The following GNA14 variants were observed in gnomAD, a reference collection of about 807,000 sequenced individuals.
GNA14 encodes G protein subunit alpha 14, also known as guanine nucleotide-binding protein subunit alpha-14.
GNA14 carries 50 observed loss-of-function variants against 42.0 expected under a neutral mutation model. The observed-to-expected ratio is 1.19, with a 90% confidence interval of 0.95 to 1.51. The LOEUF is 1.51. Among genes scored for constraint, GNA14 ranks in the 40% most tolerant of loss-of-function variants. The pLI is 0.00. For synonymous variants in GNA14, 173 were observed against 163.1 expected (o/e 1.06, Z -0.46); for missense variants, 473 against 446.2 (o/e 1.06, Z -0.54).
chr9:77,521,882 G>A (rs1176772716), intron 2 of GNA14, among the ~76,000 whole-genome samples: 2 of 152,040 alleles, frequency 1.3e-5, no homozygotes, highest in African/African-American at 2.4e-5. Flanking sequence ...ACCCAGGCTG[G>A]GGTGCAATGG....
At chr9:77,503,892 G>A (rs1318779246) in intron 2 of GNA14, among the ~76,000 whole-genome samples, 1 of 152,116 alleles carries the variant, frequency 6.6e-6, no homozygotes, top group African/African-American at 2.4e-5. Context: ...ATGTTGGCCA[G>A]GCTGGTTTTG....
At chr9:77,439,951 G>A (rs1835704047) in intron 2 of GNA14, among the ~76,000 whole-genome samples, 1 of 152,196 alleles carries the variant, frequency 6.6e-6, no homozygotes, top group Non-Finnish European at 1.5e-5. Context: ...AAGGCAGATG[G>A]ATAAAATGGG....
chr9:77,598,919 G>C (rs1398609773), intron 1 of GNA14, among the ~76,000 whole-genome samples: 4 of 152,124 alleles, frequency 2.6e-5, no homozygotes, highest in African/African-American at 7.2e-5. Flanking sequence ...TTTATTTGTT[G>C]AGCACCTATT....
At chr9:77,450,835 G>A (rs754759557) in intron 2 of GNA14, among the ~76,000 whole-genome samples, 17 of 151,958 alleles carry the variant, frequency 1.1e-4, no homozygotes, top group African/African-American at 2.7e-4. Context: ...GGTTTTTCCC[G>A]TGCTGTTCTC....
intron 1 of GNA14, among the ~76,000 whole-genome samples, chr9:77,579,341 G>T (rs570385084): frequency 3.3e-5 from 5 of 152,130 alleles, no homozygotes; most frequent in Non-Finnish European, 7.4e-5. Flanking sequence ...TGCAGGGCGC[G>T]TATGTGTAGG....
At chr9:77,560,761 T>G (rs1208279165) in intron 1 of GNA14, among the ~76,000 whole-genome samples, 1 of 152,182 alleles carries the variant, frequency 6.6e-6, no homozygotes, top group Non-Finnish European at 1.5e-5. Flanking sequence ...AGCACAGAAC[T>G]TTGCAGAAAG....
At chr9:77,525,837 C>T (rs953394858) in intron 2 of GNA14, among the ~76,000 whole-genome samples, 4 of 150,862 alleles carry the variant, frequency 2.7e-5, no homozygotes, top group African/African-American at 9.8e-5. Context: ...CGCACCCGGC[C>T]GTGCCCCAGG....
chr9:77,520,213 T>C lies in GNA14; in HGVS notation c.309+8856A>G, dbSNP rs144071151. On this transcript the variant is annotated intron_variant, in intron 2 of 6. Coordinates refer to ENST00000341700, the MANE Select transcript of GNA14 (RefSeq NM_004297.4). ...GCAAATCGGCCCCTGAATTCACTAATACCAGATGAACACCTGAATCCCTTG... is the reference window on the plus strand; with the variant it reads ...GCAAATCGGCCCCTGAATTCACTAACACCAGATGAACACCTGAATCCCTTG... 1.5e-3 allele frequency among the ~76,000 whole-genome samples: 226 copies of C among 152,254 alleles called. 2 individuals are homozygous for C. Among genetic ancestry groups the C allele is most frequent in the Admixed American group, 3.4e-3 (52 of 15,292 alleles).
intron 2 of GNA14, among the ~76,000 whole-genome samples, chr9:77,483,692 G>A (rs12000978): frequency 0.058 from 8,774 of 152,158 alleles, 697 homozygotes; most frequent in African/African-American, 0.18. Flanking sequence ...GAGGCAGGCT[G>A]GCCTCCTTTA....
chr9:77,565,658 A>G (rs1224685848), intron 1 of GNA14, among the ~76,000 whole-genome samples: 2 of 152,128 alleles, frequency 1.3e-5, no homozygotes, highest in Non-Finnish European at 2.9e-5. Context: ...GGATTTCACT[A>G]TGTTGGCCAG....
chr9:77,470,287 A>C (rs1456786606), intron 2 of GNA14, among the ~76,000 whole-genome samples: 1 of 152,150 alleles, frequency 6.6e-6, no homozygotes, highest in African/African-American at 2.4e-5. Context: ...ATACCAGGAA[A>C]AGCAGCACCC....
At chr9:77,488,419 T>C (rs1836697378) in intron 2 of GNA14, among the ~76,000 whole-genome samples, 1 of 152,120 alleles carries the variant, frequency 6.6e-6, no homozygotes. Flanking sequence ...CCTGAAAAGA[T>C]AAATATCACT....
chr9:77,515,409 G>A (rs1837236036), intron 2 of GNA14, among the ~76,000 whole-genome samples: 1 of 152,214 alleles, frequency 6.6e-6, no homozygotes. Context: ...CACTGTGGTT[G>A]AAGCTGAATG....
At position 77,513,601 on chromosome 9, in the gene GNA14, A is replaced by C. The variant is rs76312088; in HGVS notation, c.309+15468T>G. Among the ~76,000 whole-genome samples, 43 of 152,262 alleles carry C rather than the reference A, an allele frequency of 2.8e-4. No individual in the cohort carries two copies. In the East Asian group the frequency reaches 7.9e-3, roughly 28 times the overall value. On this transcript the variant is annotated intron_variant, in intron 2 of 6. Coordinates refer to ENST00000341700, the MANE Select transcript of GNA14 (RefSeq NM_004297.4). ...CTATGACACAGGGGACACACTCAAT[A>C]ATTCCGTGAGGAGGCACAGCAATTG...
intron 2 of GNA14, among the ~76,000 whole-genome samples, chr9:77,483,974 C>T (rs986746532): frequency 2.6e-5 from 4 of 152,178 alleles, no homozygotes; most frequent in African/African-American, 9.7e-5. Flanking sequence ...ATTCAATACC[C>T]AGACAAATAT....
intron 1 of GNA14, among the ~76,000 whole-genome samples, chr9:77,626,331 G>C (rs905798865): frequency 1.3e-5 from 2 of 152,144 alleles, no homozygotes; most frequent in African/African-American, 4.8e-5. Context: ...AGATCAATGA[G>C]ACAGAAAATT....
chr9:77,561,757 T>G (rs1254409979), intron 1 of GNA14, among the ~76,000 whole-genome samples: 2 of 152,190 alleles, frequency 1.3e-5, no homozygotes, highest in Non-Finnish European at 2.9e-5. Flanking sequence ...ATTATACACT[T>G]AAAAATGGCT....
chr9:77,455,127 C>T (rs1029695463), intron 2 of GNA14, among the ~76,000 whole-genome samples: 1 of 152,208 alleles, frequency 6.6e-6, no homozygotes, highest in African/African-American at 2.4e-5. Flanking sequence ...CTCATCCAAG[C>T]TCATTCAGGC....
chr9:77,519,627 A>G (rs1837318712), intron 2 of GNA14, among the ~76,000 whole-genome samples: 1 of 152,178 alleles, frequency 6.6e-6, no homozygotes, highest in South Asian at 2.1e-4. Context: ...AGTATGAAAT[A>G]AGAGACACTG....
Sources: allele counts gnomAD v4.1 joint callset (sites outside exome capture counted in the v4.1 genomes callset), GRCh38; gene constraint gnomAD v4.1.1; transcripts MANE v1.5; gene names NCBI Gene and HGNC (gene_info 2026-07-23, HGNC 2026-07-21).